The following DIAPH3 variants were observed in gnomAD, a reference collection of about 807,000 sequenced individuals.
The protein encoded by DIAPH3 is diaphanous related formin 3.
Under a neutral mutation model 144.3 loss-of-function variants are expected in DIAPH3, and 117 were observed. The ratio of observed to expected loss-of-function variants is 0.81; its 90% confidence interval spans 0.70 to 0.95. The LOEUF is 0.95. Among genes scored for constraint, DIAPH3 ranks in the 40% least tolerant of loss-of-function variants. The pLI is 0.00. For missense variants in DIAPH3, 1,421 were observed against 1,412.7 expected (o/e 1.01, Z -0.09); for synonymous variants, 519 against 488.9 (o/e 1.06, Z -0.81).
intron 4 of DIAPH3, among the ~76,000 whole-genome samples, chr13:60,054,967 G>A (rs1162374228): frequency 6.6e-6 from 1 of 151,886 alleles, no homozygotes; most frequent in African/African-American, 2.4e-5. Flanking sequence ...GAAGAATATT[G>A]CAGAAAGGTG....
At chr13:59,881,757 T>C (rs963240007) in intron 20 of DIAPH3, among the ~76,000 whole-genome samples, 4 of 152,148 alleles carry the variant, frequency 2.6e-5, no homozygotes, top group East Asian at 3.9e-4. Context: ...TGAAAATCCC[T>C]GACAAGGCAA....
At position 60,132,999 on chromosome 13, in the gene DIAPH3, A is replaced by T. The variant is rs1287466234; in HGVS notation, c.181-10T>A. 9 of 1,573,532 alleles carry T rather than the reference A, an allele frequency of 5.7e-6. No individual in the cohort carries two copies. Among genetic ancestry groups the T allele is most frequent in the Middle Eastern group, 1.7e-4 (1 of 5,946 alleles). The stretch of plus-strand genomic sequence containing the variant: ...TCCTAATATTTAAATGCTGCAAATT[A>T]AAAAAAAGCAATCATATTAGTAATT... On this transcript the variant is annotated splice_polypyrimidine_tract_variant and intron_variant, in intron 1 of 27. Transcript: ENST00000400324.
chr13:59,892,624 C>T (rs1316782476), intron 20 of DIAPH3, among the ~76,000 whole-genome samples: 1 of 151,184 alleles, frequency 6.6e-6, no homozygotes, highest in Non-Finnish European at 1.5e-5. Context: ...CCTAAAGCAC[C>T]AATAATATAG....
In DIAPH3 at chr13:59,998,260, T is replaced by C. The variant is rs1322588515; in HGVS notation, c.1015-5677A>G. ...AGAACAAACTTGAATTCTTAAAATATTTATTTGAAAACTCCCCCAAGACAT... is the reference window on the plus strand; with the variant it reads ...AGAACAAACTTGAATTCTTAAAATACTTATTTGAAAACTCCCCCAAGACAT... On this transcript the variant is annotated intron_variant, in intron 9 of 27. Coordinates refer to ENST00000400324, the MANE Select transcript of DIAPH3 (RefSeq NM_001042517.2). 7.9e-5 allele frequency among the ~76,000 whole-genome samples: 12 copies of C among 152,160 alleles called. No individual in the cohort carries two copies. In the East Asian group the frequency reaches 2.3e-3, roughly 29 times the overall value.
At chr13:59,714,922 C>A (rs1169712849) in intron 27 of DIAPH3, among the ~76,000 whole-genome samples, 5 of 151,982 alleles carry the variant, frequency 3.3e-5, no homozygotes, top group Non-Finnish European at 5.9e-5. Context: ...TCCAAAAAAA[C>A]CAAAAAAGTC....
At chr13:59,930,630 C>A (rs1594031769) in intron 17 of DIAPH3, among the ~76,000 whole-genome samples, 1 of 152,064 alleles carries the variant, frequency 6.6e-6, no homozygotes, top group African/African-American at 2.4e-5. Flanking sequence ...AGTCAGGTAC[C>A]AGATCACATA....
chr13:59,716,676 G>T (rs77018844), intron 27 of DIAPH3, among the ~76,000 whole-genome samples: 2 of 151,996 alleles, frequency 1.3e-5, no homozygotes, highest in African/African-American at 4.8e-5. Flanking sequence ...AATGTAAGAC[G>T]GCTTAAATAA....
chr13:60,030,430 A>G (rs1468709555), intron 5 of DIAPH3, among the ~76,000 whole-genome samples: 1 of 152,192 alleles, frequency 6.6e-6, no homozygotes, highest in Non-Finnish European at 1.5e-5. Context: ...TATTCCAAAC[A>G]GAGAATACAT....
chr13:60,011,564 T>C (rs1365117886), intron 7 of DIAPH3, among the ~76,000 whole-genome samples: 1 of 152,194 alleles, frequency 6.6e-6, no homozygotes, highest in Admixed American at 6.5e-5. Context: ...TTCTTTTTCT[T>C]CCTAAATAGT....
At chr13:59,936,324 T>A (rs60268393) in intron 17 of DIAPH3, among the ~76,000 whole-genome samples, 96 of 152,296 alleles carry the variant, frequency 6.3e-4, no homozygotes, top group African/African-American at 2.3e-3. Context: ...TAAATTATAA[T>A]AATTAGCAAC....
chr13:59,697,539 G>A (rs1229708447), intron 27 of DIAPH3, among the ~76,000 whole-genome samples: 1 of 138,038 alleles, frequency 7.2e-6, no homozygotes, highest in Non-Finnish European at 1.5e-5. Context: ...ATTATTTCAT[G>A]TAATTTATTT....
At chr13:59,975,443 C>T (rs1410096970) in intron 14 of DIAPH3, among the ~76,000 whole-genome samples, 1 of 151,962 alleles carries the variant, frequency 6.6e-6, no homozygotes, top group Non-Finnish European at 1.5e-5. Flanking sequence ...CCAGATTCCC[C>T]GCCTTCAGAG....
intron 26 of DIAPH3, among the ~76,000 whole-genome samples, 173 bp downstream of exon 26, chr13:59,774,553 CAT>C (rs2038294376): frequency 6.6e-6 from 1 of 152,176 alleles, no homozygotes. Flanking sequence ...AACTGGAATG[CAT>C]ATCTCTCTGA....
chr13:59,682,747 A>C (rs1394335968), intron 27 of DIAPH3, among the ~76,000 whole-genome samples: 10 of 152,104 alleles, frequency 6.6e-5, no homozygotes. Flanking sequence ...TCATCCCTCA[A>C]ATCTCAATCA....
chr13:60,134,870 C>A (rs563344217), intron 1 of DIAPH3, among the ~76,000 whole-genome samples: 33 of 152,056 alleles, frequency 2.2e-4, no homozygotes, highest in Non-Finnish European at 3.7e-4. Context: ...ATAAAATATT[C>A]CCAAAACCAG....
Position 59,983,765 on chromosome 13 carries a change from T to A in DIAPH3, c.1480+4A>T. 1 of 1,533,290 alleles carries A rather than the reference T, an allele frequency of 6.5e-7. No individual in the cohort carries two copies. Among genetic ancestry groups the A allele is most frequent in the Non-Finnish European group, 9.0e-7 (1 of 1,108,430 alleles). 95.0% of individuals were successfully genotyped at this position (1,533,290 alleles called of 1,614,324 possible). A position where few individuals can be genotyped will look rare whatever the true frequency, so the allele number is the denominator to read the frequency against. On this transcript the variant is annotated splice_donor_region_variant and intron_variant, in intron 13 of 27. Coordinates refer to ENST00000400324, the MANE Select transcript of DIAPH3 (RefSeq NM_001042517.2). Reference sequence around the variant, plus strand: ...ATATTTCTATTTAAATAATAAATACTCACCTACAAACTGGGTTAAATCTAA... The same window carrying A: ...ATATTTCTATTTAAATAATAAATACACACCTACAAACTGGGTTAAATCTAA...
chr13:59,766,277 T>C (rs1056748137), intron 27 of DIAPH3, among the ~76,000 whole-genome samples: 1 of 152,150 alleles, frequency 6.6e-6, no homozygotes, highest in African/African-American at 2.4e-5. Flanking sequence ...TCACACACTA[T>C]ACTATCACTA....
rs577368628 is a variant in DIAPH3 at position 59,967,170 on chromosome 13, G to C, written c.2074+2774C>G. Among the ~76,000 whole-genome samples, 101 of 152,052 alleles carry C rather than the reference G, an allele frequency of 6.6e-4. No homozygotes were observed. The Middle Eastern group carries it at 0.01, about 15-fold the overall frequency. ...CAACCTCTGCCTCCCAGGTTCAAGC[G>C]ATTCTCATGCCTCAGCCTCCGGAGT... On this transcript the variant is annotated intron_variant, in intron 17 of 27. Transcript: ENST00000400324.
chr13:60,135,270 T>C (rs1427143894), intron 1 of DIAPH3, among the ~76,000 whole-genome samples: 1 of 150,838 alleles, frequency 6.6e-6, no homozygotes, highest in Non-Finnish European at 1.5e-5. Context: ...TTTTTTAATA[T>C]ATACATTCTG....
Sources: allele counts gnomAD v4.1 joint callset (sites outside exome capture counted in the v4.1 genomes callset), GRCh38; gene constraint gnomAD v4.1.1; transcripts MANE v1.5; gene names NCBI Gene and HGNC (gene_info 2026-07-23, HGNC 2026-07-21).